QTMAN: variants seen among roughly 807,000 people sequenced by gnomAD.
QTMAN encodes the protein tRNA-queuosine alpha-mannosyltransferase.
At chr2:144,258,233 A>C in the QTMAN span, among the ~76,000 whole-genome samples, 1 of 141,178 alleles carries the variant, frequency 7.1e-6, no homozygotes, top group Non-Finnish European at 1.5e-5. Context: ...AAAAAAAAAC[A>C]AAAACAAAAA....
chr2:144,311,146 A>G, the QTMAN span, among the ~76,000 whole-genome samples: 4 of 152,204 alleles, frequency 2.6e-5, no homozygotes, highest in East Asian at 5.8e-4. Flanking sequence ...TTAAGATAAT[A>G]ACATGAACAG....
At chr2:144,313,108 C>A in the QTMAN span, among the ~76,000 whole-genome samples, 3 of 152,136 alleles carry the variant, frequency 2.0e-5, no homozygotes, top group Non-Finnish European at 2.9e-5. Context: ...GCAGACAAAT[C>A]CAAATCCTGG....
At chr2:144,101,461 A>G in the QTMAN span, among the ~76,000 whole-genome samples, 1 of 152,160 alleles carries the variant, frequency 6.6e-6, no homozygotes, top group Non-Finnish European at 1.5e-5. Context: ...ATAGCCTTAT[A>G]GTGAAATGAT....
chr2:144,284,971 T>C, the QTMAN span, among the ~76,000 whole-genome samples: 2 of 144,906 alleles, frequency 1.4e-5, no homozygotes, highest in African/African-American at 2.7e-5. Context: ...CTGGATGTAG[T>C]GGAGCACTCC....
chr2:144,019,400 G>C, the QTMAN span, among the ~76,000 whole-genome samples: 1 of 151,930 alleles, frequency 6.6e-6, no homozygotes, highest in African/African-American at 2.4e-5. Flanking sequence ...TGGTTGAGCA[G>C]AGAGGGGGAG....
the QTMAN span, among the ~76,000 whole-genome samples, chr2:144,020,653 C>T: frequency 1.3e-5 from 2 of 151,938 alleles, no homozygotes; most frequent in Non-Finnish European, 2.9e-5. Context: ...CTGTATGCTC[C>T]CCTAGAGGTT....
the QTMAN span, among the ~76,000 whole-genome samples, chr2:143,996,814 A>G: frequency 4.6e-5 from 7 of 152,204 alleles, no homozygotes; most frequent in South Asian, 8.3e-4. Context: ...CCGAACCACT[A>G]ATCAGTTAAA....
At chr2:143,963,304 G>A in the QTMAN span, among the ~76,000 whole-genome samples, 1 of 152,064 alleles carries the variant, frequency 6.6e-6, no homozygotes, top group Non-Finnish European at 1.5e-5. Flanking sequence ...ACTTATAAAT[G>A]TATAATTTGT....
the QTMAN span, among the ~76,000 whole-genome samples, chr2:144,044,906 C>A: frequency 4.6e-5 from 7 of 152,134 alleles, no homozygotes; most frequent in African/African-American, 1.7e-4. Flanking sequence ...CATCAAGACA[C>A]TAGAGCAAGT....
At chr2:144,108,631 C>CT in the QTMAN span, among the ~76,000 whole-genome samples, 1 of 150,586 alleles carries the variant, frequency 6.6e-6, no homozygotes, top group Non-Finnish European at 1.5e-5. Flanking sequence ...GAGCAAGACT[C>CT]TGTCTCAATT....
the QTMAN span, chr2:143,952,813 T>G: frequency 6.2e-7 from 1 of 1,609,428 alleles, no homozygotes; most frequent in Admixed American, 1.7e-5. Context: ...TAGGACAAAG[T>G]GGGTAACACC....
the QTMAN span, among the ~76,000 whole-genome samples, chr2:144,105,730 T>G: frequency 1.3e-5 from 2 of 152,114 alleles, no homozygotes; most frequent in African/African-American, 4.8e-5. Context: ...CAGGGCAACA[T>G]TCAAATTCAG....
the QTMAN span, among the ~76,000 whole-genome samples, chr2:144,296,634 T>C: frequency 3.9e-5 from 6 of 152,198 alleles, no homozygotes; most frequent in African/African-American, 9.6e-5. Flanking sequence ...ACTACTTCAT[T>C]TTTATTTCAA....
chr2:144,313,378 A>G, the QTMAN span, among the ~76,000 whole-genome samples: 2 of 152,192 alleles, frequency 1.3e-5, no homozygotes, highest in Non-Finnish European at 2.9e-5. Context: ...AACAATTCCT[A>G]GTCATCATTC....
At chr2:143,989,893 A>G in the QTMAN span, among the ~76,000 whole-genome samples, 58 of 152,132 alleles carry the variant, frequency 3.8e-4, no homozygotes, top group African/African-American at 1.3e-3. Context: ...TTCTCTCACT[A>G]CCAGCCTGGT....
At chr2:144,085,164 C>A in the QTMAN span, among the ~76,000 whole-genome samples, 1 of 152,224 alleles carries the variant, frequency 6.6e-6, no homozygotes, top group Non-Finnish European at 1.5e-5. Flanking sequence ...AACTACTCAA[C>A]TCTTTCTTTG....
the QTMAN span, among the ~76,000 whole-genome samples, chr2:144,266,289 G>A: frequency 6.6e-6 from 1 of 152,198 alleles, no homozygotes; most frequent in Non-Finnish European, 1.5e-5. Flanking sequence ...TTCTTAGAAA[G>A]AGGGGTAACA....
chr2:144,156,804 C>T, the QTMAN span, among the ~76,000 whole-genome samples: 28 of 152,010 alleles, frequency 1.8e-4, no homozygotes, highest in Non-Finnish European at 2.9e-5. Flanking sequence ...ACATCACATG[C>T]TAACTTTCTG....
At chr2:144,099,981 A>C in the QTMAN span, among the ~76,000 whole-genome samples, 17 of 152,318 alleles carry the variant, frequency 1.1e-4, no homozygotes, top group East Asian at 3.3e-3. Flanking sequence ...GCTTATATCT[A>C]AAATAGTCTG....
Sources: gnomAD v4.1 joint callset for allele counts (sites outside exome capture counted in the v4.1 genomes callset) on GRCh38, gnomAD v4.1.1 for gene constraint, MANE v1.5 for transcripts, NCBI Gene and HGNC (gene_info 2026-07-23, HGNC 2026-07-21) for gene names.